ARHGAP35: variants seen among roughly 807,000 people sequenced by gnomAD.
ARHGAP35 encodes the protein Rho GTPase activating protein 35.
ARHGAP35 carries 15 observed loss-of-function variants against 111.1 expected under a neutral mutation model. The ratio of observed to expected loss-of-function variants is 0.13; its 90% CI spans 0.09 to 0.21. The LOEUF is 0.21. Among genes scored for constraint, ARHGAP35 ranks in the 10% least tolerant of loss-of-function variants. The pLI is 1.00. For missense variants in ARHGAP35, 1,262 were observed against 1,873.0 expected, an observed-to-expected ratio of 0.67 and a Z score of 6.02; for synonymous variants, 643 against 710.3, an observed-to-expected ratio of 0.91 and a Z score of 1.51.
chr19:46,916,114 T>A (rs745619868), intron 1 of ARHGAP35, among the ~76,000 whole-genome samples: 17 of 152,016 alleles, frequency 1.1e-4, no homozygotes, highest in Non-Finnish European at 2.1e-4. Context: ...TGTTGTACTT[T>A]CAGTGGAGAC....
chr19:47,000,690 C>A lies in ARHGAP35; in HGVS notation c.*2C>A. 6.4e-7 allele frequency: 1 copy of A among 1,568,248 alleles called. No homozygotes were observed. Among genetic ancestry groups the A allele is most frequent in the Admixed American group, 1.8e-5 (1 of 55,020 alleles). On this transcript the variant is annotated 3_prime_UTR_variant, in exon 7 of 7. Coordinates refer to ENST00000672722, the MANE Select transcript of ARHGAP35 (RefSeq NM_004491.5). The surrounding 1 kb of genome is among the most constrained non-coding windows in gnomAD (Gnocchi z 6.9). The stretch of plus-strand genomic sequence containing the variant: ...CTTCAAGCCGAACACACGCTGTGAG[C>A]CACCAAGACCTGGGGCGACAGGAGA...
intron 1 of ARHGAP35, among the ~76,000 whole-genome samples, chr19:46,878,599 C>T (rs546014962): frequency 6.6e-5 from 10 of 152,182 alleles, no homozygotes; most frequent in Admixed American, 1.3e-4. Flanking sequence ...GTTTATAGGC[C>T]GGAGCCACTG....
At chr19:46,976,554 C>T (rs1212146306) in intron 3 of ARHGAP35, among the ~76,000 whole-genome samples, 3 of 152,266 alleles carry the variant, frequency 2.0e-5, no homozygotes, top group Non-Finnish European at 2.9e-5. Flanking sequence ...CCCAAGGCCC[C>T]GAGACGGTTC....
At position 46,920,317 on chromosome 19, in the gene ARHGAP35, A is replaced by G. The variant is rs753972513; in HGVS notation, c.1642A>G (p.Ile548Val). The change falls in exon 2 of 7, where the codon ATT becomes GTT. Residue 548 changes from isoleucine (I) to valine (V), a missense_variant. Transcript: ENST00000672722. This position sits in a 1 kb window ranked among gnomAD's most constrained non-coding sequence, Gnocchi z 7.0. ...GCGTGATGCCCTTATTCTGAAACACATTCATTTTGTGTACCACCCAACAAA... is the reference window on the plus strand; with the variant it reads ...GCGTGATGCCCTTATTCTGAAACACGTTCATTTTGTGTACCACCCAACAAA... ...AERDALILKH[I>V]HFVYHPTKET... 2.5e-6 allele frequency: 4 copies of G among 1,614,032 alleles called. No individual in the cohort carries two copies. The East Asian group carries it at 8.9e-5, about 36-fold the overall frequency.
chr19:46,947,711 G>A (rs746994001), intron 3 of ARHGAP35: 6 of 152,134 alleles, frequency 3.9e-5, no homozygotes, highest in African/African-American at 7.2e-5. Flanking sequence ...GCAGGTTGGG[G>A]GCTCAGCACC....
intron 1 of ARHGAP35, among the ~76,000 whole-genome samples, chr19:46,899,097 T>C (rs1054627405): frequency 8.5e-5 from 13 of 152,274 alleles, no homozygotes; most frequent in African/African-American, 3.1e-4. Flanking sequence ...GAGGAGAATG[T>C]AGAAGGGCGC....
At chr19:46,898,656 G>C (rs1206805502) in intron 1 of ARHGAP35, among the ~76,000 whole-genome samples, 4 of 152,170 alleles carry the variant, frequency 2.6e-5, no homozygotes, top group Admixed American at 2.6e-4. Context: ...TTAAATGCAA[G>C]GGATTTATTA....
chr19:46,910,106 G>A (rs1444722026), intron 1 of ARHGAP35, among the ~76,000 whole-genome samples: 2 of 151,938 alleles, frequency 1.3e-5, no homozygotes, highest in Non-Finnish European at 2.9e-5. Context: ...ATAACTCAAC[G>A]GGGTAAAAGA....
At chr19:46,974,851 A>G (rs2056571065) in intron 3 of ARHGAP35, among the ~76,000 whole-genome samples, 1 of 152,058 alleles carries the variant, frequency 6.6e-6, no homozygotes, top group Admixed American at 6.6e-5. Flanking sequence ...CCTCATTATC[A>G]TGAAACTCAG....
chr19:46,894,445 G>GTTTTTTTT (rs35723876), intron 1 of ARHGAP35, among the ~76,000 whole-genome samples: 1 of 108,106 alleles, frequency 9.3e-6, no homozygotes, highest in Non-Finnish European at 1.9e-5. Context: ...CTGTTTTTTG[G>GTTTTTTTT]TTTTTTTTTT....
At chr19:46,983,993 T>C (rs903826720) in intron 3 of ARHGAP35, among the ~76,000 whole-genome samples, 2 of 152,186 alleles carry the variant, frequency 1.3e-5, no homozygotes, top group African/African-American at 4.8e-5. Flanking sequence ...CTTGTTCAGA[T>C]ATTTGAACAT....
Position 46,918,988 on chromosome 19 carries a change from T to C in ARHGAP35, c.313T>C (p.Phe105Leu). The C allele has an allele frequency of 6.2e-7, 1 of 1,613,978 alleles. No individual in the cohort carries two copies. Among genetic ancestry groups the C allele is most frequent in the Non-Finnish European group, 8.5e-7 (1 of 1,179,890 alleles). The change falls in exon 2 of 7, where the codon TTT becomes CTT. Residue 105 changes from phenylalanine to leucine, a missense_variant. By Grantham distance (22) the Phe-to-Leu change is conservative. Around this residue, in one of 8 missense-constraint regions of ARHGAP35, gnomAD observed 125 missense variants for 301.7 expected, o/e 0.41. Transcript: ENST00000672722. The surrounding 1 kb of genome is among the most constrained non-coding windows in gnomAD (Gnocchi z 5.4). ...GACTGAATTTATTGATGATCAGACTTTTCAACCTCATCGAAGCACGGCCCT... is the reference window on the plus strand; with the variant it reads ...GACTGAATTTATTGATGATCAGACTCTTCAACCTCATCGAAGCACGGCCCT... ...EQTEFIDDQTFQPHRSTALQP... is the reference protein window; with the variant it reads ...EQTEFIDDQTLQPHRSTALQP...
Position 46,920,810 on chromosome 19 carries a change from A to C in ARHGAP35, c.2135A>C (p.Glu712Ala). The C allele has an allele frequency of 6.2e-7, 1 of 1,611,678 alleles. No individual in the cohort carries two copies. The highest frequency in any genetic ancestry group is 1.3e-5 in the African/African-American group (1 of 75,024). Residue 712 changes from glutamate (E) to alanine (A), a missense_variant, in exon 2 of 7, where the codon GAG becomes GCG. Transcript: ENST00000672722. The surrounding 1 kb of genome is among the most constrained non-coding windows in gnomAD (Gnocchi z 7.0). Reference sequence around the variant, plus strand: ...AACAAGAGAGGAGACACCAGTGGAGAGACTCTGCATAGCTTAATACAGCAA... The same window carrying C: ...AACAAGAGAGGAGACACCAGTGGAGCGACTCTGCATAGCTTAATACAGCAA... Reference protein sequence around the residue: ...LVNKRGDTSGETLHSLIQQGQ... With the variant: ...LVNKRGDTSGATLHSLIQQGQ...
At chr19:46,982,892 A>T (rs184442659) in intron 3 of ARHGAP35, among the ~76,000 whole-genome samples, 105 of 151,750 alleles carry the variant, frequency 6.9e-4, no homozygotes, top group Non-Finnish European at 1.3e-3. Context: ...CGAAAAAAAA[A>T]TTTAAAAATT....
intron 1 of ARHGAP35, among the ~76,000 whole-genome samples, chr19:46,899,089 G>A (rs1472108834): frequency 6.6e-6 from 1 of 152,168 alleles, no homozygotes; most frequent in Non-Finnish European, 1.5e-5. Context: ...CTGATACGGA[G>A]GAGAATGTAG....
intron 1 of ARHGAP35, among the ~76,000 whole-genome samples, chr19:46,885,309 C>T (rs1419663346): frequency 6.6e-6 from 1 of 152,126 alleles, no homozygotes; most frequent in Non-Finnish European, 1.5e-5. Context: ...TTTCTATATG[C>T]CAGGCACTGT....
At chr19:46,883,320 G>A (rs935946410) in intron 1 of ARHGAP35, among the ~76,000 whole-genome samples, 3 of 151,002 alleles carry the variant, frequency 2.0e-5, no homozygotes, top group Admixed American at 1.3e-4. Context: ...GGCTCGTCTC[G>A]AACTCTTGAC....
chr19:46,974,293 A>G (rs554548576), intron 3 of ARHGAP35, among the ~76,000 whole-genome samples: 1 of 152,348 alleles, frequency 6.6e-6, no homozygotes, highest in South Asian at 2.1e-4. Context: ...CAGTCCCACA[A>G]GACTGCCCTT....
At chr19:46,878,538 C>G (rs562766143) in intron 1 of ARHGAP35, among the ~76,000 whole-genome samples, 1 of 152,174 alleles carries the variant, frequency 6.6e-6, no homozygotes, top group Non-Finnish European at 1.5e-5. Context: ...AGGGTGGTCT[C>G]AAACTCTTAG....
Sources: allele counts gnomAD v4.1 joint callset (sites outside exome capture counted in the v4.1 genomes callset), GRCh38; gene constraint gnomAD v4.1.1; regional missense constraint gnomAD v4.1.1; non-coding constraint Gnocchi (gnomAD v3.1); transcripts MANE v1.5; gene names NCBI Gene and HGNC (gene_info 2026-07-23, HGNC 2026-07-21).